TRAF3IP1: variants seen among roughly 807,000 people sequenced by gnomAD.
The protein encoded by TRAF3IP1 is intraflagellar transport 54, also known as TRAF3-interacting protein 1.
In TRAF3IP1, 53 loss-of-function variants were observed where a neutral mutation model predicts 89.9. The observed-to-expected ratio is 0.59, with a 90% confidence interval of 0.47 to 0.74. The LOEUF is 0.74. Among genes scored for constraint, TRAF3IP1 ranks in the 30% least tolerant of loss-of-function variants. The pLI, the probability that TRAF3IP1 is intolerant of heterozygous loss-of-function variation, is 0.00. For missense variants in TRAF3IP1, 806 were observed against 866.1 expected (o/e 0.93, Z 0.87); for synonymous variants, 311 against 322.1 (o/e 0.97, Z 0.37).
chr2:238,336,039 G>T (rs1246001723), intron 7 of TRAF3IP1, among the ~76,000 whole-genome samples: 2 of 151,996 alleles, frequency 1.3e-5, no homozygotes, highest in Non-Finnish European at 2.9e-5. Context: ...TGATCTGCCC[G>T]CCTCAGCCTC....
chr2:238,320,725 G>C lies in TRAF3IP1; in HGVS notation c.63G>C (p.Pro21=). ...EALGKVIRRP[P]LTEKLLSKPP... is the part of the protein sequence containing the mutation. ...TGGGGAAAGTGATTCGGAGGCCGCC[G>C]CTGACCGAGAAGCTGCTGAGCAAGC... Residue 21 remains proline (P), a synonymous_variant, in exon 1 of 17, where the codon CCG becomes CCC. Coordinates refer to ENST00000373327, the MANE Select transcript of TRAF3IP1 (RefSeq NM_015650.4). 1 of 1,451,010 alleles carries C rather than the reference G, an allele frequency of 6.9e-7. No individual in the cohort carries two copies. The highest frequency in any genetic ancestry group is 3.1e-5 in the East Asian group (1 of 32,100). The allele number at this position is 1,451,010 out of a possible 1,614,324, so 89.9% of individuals were successfully genotyped here.
chr2:238,399,330 CTG>C lies in TRAF3IP1; in HGVS notation c.*415_*416del, dbSNP rs1454598257. The C allele has an allele frequency of 1.3e-5, 2 of 155,264 alleles. No individual in the cohort carries two copies. Among genetic ancestry groups the C allele is most frequent in the African/African-American group, 2.4e-5 (1 of 41,490 alleles). The allele number at this position is 155,264 out of a possible 1,614,324, so 9.6% of individuals were successfully genotyped here. ...GAGGTCAGTGCCGAATGAAGGATGA[CTG>C]TGTACTTTTTGATAGGCACTTGATA... On this transcript the variant is annotated 3_prime_UTR_variant, in exon 17 of 17. Transcript: ENST00000373327.
rs192409592 is a variant in TRAF3IP1 at position 238,346,869 on chromosome 2, G to C, written c.1262-586G>C. ...ATCACCCCACCCCTGTGGTGCCACT[G>C]CTCATTTACTTTGACCGTTTAGGTC... On this transcript the variant is annotated intron_variant, in intron 9 of 16. Coordinates refer to ENST00000373327, the MANE Select transcript of TRAF3IP1 (RefSeq NM_015650.4). 7.2e-5 allele frequency among the ~76,000 whole-genome samples: 11 copies of C among 152,324 alleles called. 1 individual carries two copies. Among genetic ancestry groups the C allele is most frequent in the African/African-American group, 2.2e-4 (9 of 41,576 alleles).
chr2:238,373,008 G>A (rs926008746), intron 15 of TRAF3IP1, among the ~76,000 whole-genome samples: 2 of 152,126 alleles, frequency 1.3e-5, no homozygotes, highest in African/African-American at 4.8e-5. Context: ...ATTTGTTTAA[G>A]TTCTTTGTAG....
At chr2:238,397,372 C>T (rs895865725) in intron 15 of TRAF3IP1, 87 bp from the exon 16 acceptor site, 34 of 1,204,412 alleles carry the variant, frequency 2.8e-5, no homozygotes, top group Admixed American at 7.3e-5. Flanking sequence ...TCCTCCCAGC[C>T]CCATGGCCGT....
chr2:238,385,558 A>G lies in TRAF3IP1; in HGVS notation c.1690-11901A>G, dbSNP rs569745423. Among the ~76,000 whole-genome samples the G allele has an allele frequency of 2.6e-4, 40 of 152,336 alleles. No homozygotes were observed. In the South Asian group the frequency reaches 8.1e-3, roughly 31 times the overall value. On this transcript the variant is annotated intron_variant, in intron 15 of 16. Transcript: ENST00000373327. Reference sequence around the variant, plus strand: ...TATGTAATAGTGAGTGGCTGGAGATATTTCTACTACAGTCAGGAACAAGGG... The same window carrying G: ...TATGTAATAGTGAGTGGCTGGAGATGTTTCTACTACAGTCAGGAACAAGGG...
At chr2:238,389,903 A>G (rs565132339) in intron 15 of TRAF3IP1, among the ~76,000 whole-genome samples, 63 of 152,322 alleles carry the variant, frequency 4.1e-4, no homozygotes, top group Non-Finnish European at 7.9e-4. Flanking sequence ...GCAAATGCCC[A>G]TGTTTCTGAG....
chr2:238,339,160 T>A (rs558599213), intron 8 of TRAF3IP1, among the ~76,000 whole-genome samples: 1 of 152,312 alleles, frequency 6.6e-6, no homozygotes, highest in Admixed American at 6.5e-5. Context: ...AGCACATCCT[T>A]CTCTCTCTGT....
At position 238,387,058 on chromosome 2, in the gene TRAF3IP1, C is replaced by T. The variant is rs955233435; in HGVS notation, c.1690-10401C>T. On this transcript the variant is annotated intron_variant, in intron 15 of 16. Transcript: ENST00000373327. ...AAGGAATTGCATGTTTTATTTAATA[C>T]AGTCACCTACAGATGAGACAGGCGT... Among the ~76,000 whole-genome samples the T allele has an allele frequency of 3.9e-5, 6 of 152,272 alleles. No homozygotes were observed. In the South Asian group the frequency reaches 6.2e-4, roughly 16 times the overall value.
rs1414647630 is a variant in TRAF3IP1 at position 238,379,802 on chromosome 2, A to G, written c.1690-17657A>G. Reference sequence around the variant, plus strand: ...TAATAATAACACTGGAGCCAGAATGATAAGGAAATACTGTAGCAATAGGCT... The same window carrying G: ...TAATAATAACACTGGAGCCAGAATGGTAAGGAAATACTGTAGCAATAGGCT... On this transcript the variant is annotated intron_variant, in intron 15 of 16. Transcript: ENST00000373327. The surrounding 1 kb of genome is among the most constrained non-coding windows in gnomAD (Gnocchi z 4.0). Among the ~76,000 whole-genome samples, 1 of 152,240 alleles carries G rather than the reference A, an allele frequency of 6.6e-6. No individual in the cohort carries two copies. Among genetic ancestry groups the G allele is most frequent in the East Asian group, 1.9e-4 (1 of 5,196 alleles).
intron 15 of TRAF3IP1, among the ~76,000 whole-genome samples, chr2:238,357,247 G>A (rs888574505): frequency 3.8e-4 from 58 of 152,140 alleles, no homozygotes; most frequent in African/African-American, 1.3e-3. Context: ...GGGCCAACAG[G>A]GTGTGTCTCA....
chr2:238,349,511 G>A, intron 12 of TRAF3IP1, 103 bp downstream of exon 12: 1 of 1,196,492 alleles, frequency 8.4e-7, no homozygotes. Flanking sequence ...CATGGTGCTG[G>A]AAACATGCTA....
In TRAF3IP1 at chr2:238,354,721, G is replaced by A. The variant is rs370924886; in HGVS notation, c.1613-1283G>A. On this transcript the variant is annotated intron_variant, in intron 14 of 16. Coordinates refer to ENST00000373327, the MANE Select transcript of TRAF3IP1 (RefSeq NM_015650.4). ...GCTGGAGTGCAGTGGCGCGATCTTG[G>A]CTCACTGCAACCTCTGCCTCCCGGG... 7.0e-3 allele frequency among the ~76,000 whole-genome samples: 1,065 copies of A among 152,224 alleles called. 11 individuals carry two copies. The highest frequency in any genetic ancestry group is 0.024 in the African/African-American group (982 of 41,524).
intron 15 of TRAF3IP1, among the ~76,000 whole-genome samples, chr2:238,381,247 G>A (rs1249079312): frequency 6.6e-6 from 1 of 151,780 alleles, no homozygotes; most frequent in Non-Finnish European, 1.5e-5. Context: ...GAAATGAATG[G>A]AACATAAAAA....
intron 15 of TRAF3IP1, among the ~76,000 whole-genome samples, chr2:238,371,677 A>AT (rs1700117810): frequency 6.6e-6 from 1 of 152,258 alleles, no homozygotes; most frequent in Non-Finnish European, 1.5e-5. Flanking sequence ...CCCAACTGAA[A>AT]TATATCCTAA....
chr2:238,362,543 C>T (rs543709234), intron 15 of TRAF3IP1, among the ~76,000 whole-genome samples: 17 of 152,290 alleles, frequency 1.1e-4, no homozygotes, highest in Middle Eastern at 3.4e-3. Context: ...GCTTCAGCTT[C>T]CAGCCAGCAA....
At chr2:238,368,542 A>T (rs1699979467) in intron 15 of TRAF3IP1, among the ~76,000 whole-genome samples, 1 of 152,280 alleles carries the variant, frequency 6.6e-6, no homozygotes, top group Middle Eastern at 3.4e-3. Context: ...ACTGACATTC[A>T]CTTAGTGAAG....
intron 3 of TRAF3IP1, among the ~76,000 whole-genome samples, chr2:238,327,788 C>T (rs1453716184): frequency 2.6e-5 from 4 of 152,094 alleles, no homozygotes; most frequent in Non-Finnish European, 5.9e-5. Context: ...CTTTCTGTCT[C>T]TATGAATCTG....
intron 15 of TRAF3IP1, among the ~76,000 whole-genome samples, chr2:238,368,343 C>A (rs184262996): frequency 6.6e-6 from 1 of 152,260 alleles, no homozygotes; most frequent in South Asian, 2.1e-4. Flanking sequence ...CATTAAAATG[C>A]TTCGATTTCC....
Sources: gnomAD v4.1 joint callset for allele counts (sites outside exome capture counted in the v4.1 genomes callset) on GRCh38, gnomAD v4.1.1 for gene constraint, Gnocchi (gnomAD v3.1) non-coding constraint, MANE v1.5 for transcripts, NCBI Gene and HGNC (gene_info 2026-07-23, HGNC 2026-07-21) for gene names.